The following NRG3 variants were observed in gnomAD, a reference collection of about 807,000 sequenced individuals.
NRG3 encodes pro-neuregulin-3, membrane-bound isoform.
A neutral mutation model predicts 66.9 loss-of-function variants in NRG3; 31 were observed. That is an observed-to-expected ratio of 0.46 (90% confidence interval 0.35 to 0.63). The LOEUF (loss-of-function observed/expected upper bound fraction) is 0.63. Among genes scored for constraint, NRG3 ranks in the 20% least tolerant of loss-of-function variants. The pLI, the probability that NRG3 is intolerant of heterozygous loss-of-function variation, is 0.00. For synonymous variants in NRG3, 393 were observed against 359.4 expected, an observed-to-expected ratio of 1.09 and a Z score of -1.06; for missense variants, 910 against 878.9, an observed-to-expected ratio of 1.04 and a Z score of -0.45.
At chr10:82,002,773 A>T (rs1197546866) in intron 1 of NRG3, among the ~76,000 whole-genome samples, 1 of 152,220 alleles carries the variant, frequency 6.6e-6, no homozygotes, top group African/African-American at 2.4e-5. Context: ...AGATGCAAGA[A>T]AATAGTTTCA....
intron 4 of NRG3, among the ~76,000 whole-genome samples, chr10:82,893,175 A>G (rs1016572827): frequency 4.6e-5 from 7 of 152,202 alleles, no homozygotes; most frequent in African/African-American, 1.7e-4. Flanking sequence ...CCAGGAACAT[A>G]TCATTTATAC....
chr10:82,140,018 C>G (rs2132627050), intron 1 of NRG3, among the ~76,000 whole-genome samples: 1 of 152,070 alleles, frequency 6.6e-6, no homozygotes, highest in East Asian at 1.9e-4. Context: ...GTACCTGAAT[C>G]AAAACAGCAA....
intron 2 of NRG3, among the ~76,000 whole-genome samples, chr10:82,612,473 A>G (rs1385323064): frequency 2.0e-5 from 3 of 152,150 alleles, no homozygotes; most frequent in Non-Finnish European, 2.9e-5. Context: ...AAATAACAAT[A>G]TTATATGTGA....
chr10:82,294,447 G>A (rs1330339139), intron 1 of NRG3, among the ~76,000 whole-genome samples: 1 of 83,642 alleles, frequency 1.2e-5, no homozygotes, highest in Non-Finnish European at 3.0e-5. Context: ...GTGTGTGTGT[G>A]TGTGTGTGTG....
intron 2 of NRG3, among the ~76,000 whole-genome samples, chr10:82,686,863 G>GA (rs1448060475): frequency 2.6e-5 from 4 of 152,134 alleles, no homozygotes; most frequent in South Asian, 2.1e-4. Flanking sequence ...TTGGGTCTAT[G>GA]AAAAAATGCA....
intron 1 of NRG3, among the ~76,000 whole-genome samples, chr10:82,111,250 C>T (rs78408549): frequency 0.067 from 10,166 of 152,202 alleles, 475 homozygotes; most frequent in Admixed American, 0.11. Context: ...CTTATCACTT[C>T]GTCAGCTTAC....
intron 1 of NRG3, among the ~76,000 whole-genome samples, chr10:81,894,646 AAC>A (rs1232077303): frequency 1.3e-5 from 2 of 152,164 alleles, no homozygotes; most frequent in African/African-American, 4.8e-5. Context: ...AATAATTTAA[AAC>A]AGTCTAGAGG....
intron 4 of NRG3, among the ~76,000 whole-genome samples, chr10:82,899,125 G>C (rs911197521): frequency 1.5e-4 from 23 of 151,926 alleles, no homozygotes; most frequent in African/African-American, 5.3e-4. Flanking sequence ...TATTCATAGG[G>C]TCCCTACAAG....
chr10:82,841,709 G>A (rs747742447), intron 3 of NRG3, among the ~76,000 whole-genome samples: 2 of 152,144 alleles, frequency 1.3e-5, no homozygotes, highest in Non-Finnish European at 2.9e-5. Flanking sequence ...TCAACCAATT[G>A]TAGATGTTAA....
At chr10:82,193,693 AT>A (rs1473407224) in intron 1 of NRG3, among the ~76,000 whole-genome samples, 2 of 152,188 alleles carry the variant, frequency 1.3e-5, no homozygotes, top group Non-Finnish European at 2.9e-5. Flanking sequence ...GAAATTCCGA[AT>A]GGTGCTAGGC....
At chr10:82,236,767 G>A (rs1457831658) in intron 1 of NRG3, among the ~76,000 whole-genome samples, 1 of 139,556 alleles carries the variant, frequency 7.2e-6, no homozygotes, top group Non-Finnish European at 1.5e-5. Context: ...CCAGGCTGGA[G>A]TGCAGTGGTG....
Position 82,439,175 on chromosome 10 carries a change from A to G in NRG3, c.953+80307A>G, listed in dbSNP as rs554141598. ...TCTCCAGCATTTTTTTAGTTCTTAG[A>G]TATCTGTTCTACCATATCACACCAA... is the stretch of plus-strand genomic sequence containing the variant. On this transcript the variant is annotated intron_variant, in intron 2 of 8. Transcript: ENST00000372141. Among the ~76,000 whole-genome samples the G allele has an allele frequency of 3.3e-5, 5 of 152,192 alleles. No individual in the cohort carries two copies. The South Asian group carries it at 1.0e-3, about 32-fold the overall frequency.
intron 1 of NRG3, among the ~76,000 whole-genome samples, chr10:82,306,422 G>A (rs749209855): frequency 2.2e-4 from 32 of 147,294 alleles, no homozygotes; most frequent in Non-Finnish European, 3.9e-4. Context: ...GGCAGAATTC[G>A]GCCGAGTGCG....
chr10:82,407,733 G>T (rs967863333), intron 2 of NRG3, among the ~76,000 whole-genome samples: 3 of 152,048 alleles, frequency 2.0e-5, no homozygotes, highest in African/African-American at 7.2e-5. Flanking sequence ...AGTGGAGAAT[G>T]AAAGACATTA....
rs183897560 is a variant in NRG3 at position 82,970,077 on chromosome 10, G to A, written c.1285-3711G>A. ...TTTTTTCACTTTTGTGTTTATTTCC[G>A]TTTCGTTATGGACAATTGTGCTGCT... On this transcript the variant is annotated intron_variant, in intron 6 of 8. Transcript: ENST00000372141. Among the ~76,000 whole-genome samples the A allele has an allele frequency of 2.6e-3, 392 of 151,350 alleles. 3 individuals carry two copies. The highest frequency in any genetic ancestry group is 8.7e-3 in the African/African-American group (360 of 41,226).
chr10:82,370,473 G>T (rs992605717), intron 2 of NRG3, among the ~76,000 whole-genome samples: 1 of 138,160 alleles, frequency 7.2e-6, no homozygotes, highest in Non-Finnish European at 1.5e-5. Flanking sequence ...TTATATGGGG[G>T]CAGGATAGGG....
chr10:82,199,950 G>A (rs530048707), intron 1 of NRG3, among the ~76,000 whole-genome samples: 66 of 150,960 alleles, frequency 4.4e-4, no homozygotes, highest in East Asian at 4.2e-3. Context: ...GACTATATTC[G>A]TATCAGAGCA....
At chr10:81,983,340 C>T (rs564272412) in intron 1 of NRG3, among the ~76,000 whole-genome samples, 77 of 152,322 alleles carry the variant, frequency 5.1e-4, no homozygotes, top group African/African-American at 1.5e-3. Flanking sequence ...GATGGCCTTA[C>T]GCAATGGTGT....
intron 1 of NRG3, among the ~76,000 whole-genome samples, chr10:82,040,680 G>C (rs1224500229): frequency 6.6e-6 from 1 of 151,892 alleles, no homozygotes; most frequent in African/African-American, 2.4e-5. Context: ...TTTGTCTGTT[G>C]TCACACCCTA....
Sources: allele counts gnomAD v4.1 joint callset (sites outside exome capture counted in the v4.1 genomes callset), GRCh38; gene constraint gnomAD v4.1.1; transcripts MANE v1.5; gene names NCBI Gene and HGNC (gene_info 2026-07-23, HGNC 2026-07-21).